PDE3B: variants seen among roughly 807,000 people sequenced by gnomAD.
The protein encoded by PDE3B is phosphodiesterase 3B, also known as cGMP-inhibited 3',5'-cyclic phosphodiesterase 3B.
A neutral mutation model predicts 116.8 loss-of-function variants in PDE3B; 66 were observed. The ratio of observed to expected loss-of-function variants is 0.56; its 90% CI spans 0.46 to 0.69. The LOEUF is 0.69. Ranked by LOEUF, PDE3B falls within the 30% of genes least tolerant of loss-of-function variation. The pLI, the probability that PDE3B is intolerant of heterozygous loss-of-function variation, is 0.00. For missense variants in PDE3B, 1,384 were observed against 1,368.1 expected, an observed-to-expected ratio of 1.01 and a Z score of -0.18; for synonymous variants, 595 against 533.6, an observed-to-expected ratio of 1.12 and a Z score of -1.59.
chr11:14,784,416 T>G (rs757349190), intron 2 of PDE3B, among the ~76,000 whole-genome samples: 14 of 152,194 alleles, frequency 9.2e-5, no homozygotes, highest in Non-Finnish European at 1.5e-4. Flanking sequence ...GAGACCTAAC[T>G]AGTAGTAAGG....
rs1486965895 is a variant in PDE3B, at chr11:14,872,028, A to G, written c.*2368A>G. 2.0e-5 allele frequency: 3 copies of G among 152,222 alleles called. No individual in the cohort carries two copies. Among genetic ancestry groups the G allele is most frequent in the Non-Finnish European group, 4.4e-5 (3 of 68,034 alleles). 9.4% of individuals were successfully genotyped at this position (152,222 alleles called of 1,614,324 possible). A position where few individuals can be genotyped will look rare whatever the true frequency, so the allele number is the denominator to read the frequency against. On this transcript the variant is annotated 3_prime_UTR_variant, in exon 16 of 16. Transcript: ENST00000282096. ...CTACTGACACATTTTTCTCCATAAA[A>G]GTACTTTTAAAAATTACTTCATGAT...
chr11:14,675,033 A>G (rs777309360), intron 1 of PDE3B, among the ~76,000 whole-genome samples: 5 of 152,186 alleles, frequency 3.3e-5, no homozygotes, highest in Non-Finnish European at 7.4e-5. Context: ...TAATATTTCT[A>G]TTAAGGCAGT....
intron 1 of PDE3B, among the ~76,000 whole-genome samples, chr11:14,691,096 G>T (rs1418024801): frequency 6.6e-6 from 1 of 152,170 alleles, no homozygotes; most frequent in African/African-American, 2.4e-5. Context: ...CAAGACATAG[G>T]AGTGTTCTAA....
rs782723653 is a variant in PDE3B at position 14,867,472 on chromosome 11, G to A, written c.2887-34G>A. 5 of 1,593,384 alleles carry A rather than the reference G, an allele frequency of 3.1e-6. No individual in the cohort carries two copies. In the East Asian group the frequency reaches 1.1e-4, roughly 36 times the overall value. On this transcript the variant is annotated intron_variant, in intron 14 of 15. Transcript: ENST00000282096. ...AAGCTCAGTGGTGGTTCTTTCACCA[G>A]TTAAAAATGTACTTTTCTTTTTAAA...
Position 14,786,512 on chromosome 11 carries a change from G to C in PDE3B, c.1105G>C (p.Asp369His), listed in dbSNP as rs374607325. 2 of 1,612,232 alleles carry C rather than the reference G, an allele frequency of 1.2e-6. No homozygotes were observed. Among genetic ancestry groups the C allele is most frequent in the Non-Finnish European group, 1.7e-6 (2 of 1,178,632 alleles). ...ARNMVSDLLTDPSLPPQVISS... is the reference protein window; with the variant it reads ...ARNMVSDLLTHPSLPPQVISS... Reference sequence around the variant, plus strand: ...CAATATGGTGTCAGATCTTCTGACTGATCCAAGCCTTCCACCACAAGTCAT... The same window carrying C: ...CAATATGGTGTCAGATCTTCTGACTCATCCAAGCCTTCCACCACAAGTCAT... Residue 369 changes from aspartate (D) to histidine (H), a missense_variant, in exon 3 of 16, where the codon GAT becomes CAT. This residue lies in a region of PDE3B where 956 missense variants were observed against 806.8 expected (regional missense o/e 1.18). Coordinates refer to ENST00000282096, the MANE Select transcript of PDE3B (RefSeq NM_000922.4).
Position 14,644,527 on chromosome 11 carries a change from C to G in PDE3B, c.452C>G (p.Ser151Cys). 11 of 1,607,054 alleles carry G rather than the reference C, an allele frequency of 6.8e-6. No homozygotes were observed. Among genetic ancestry groups the G allele is most frequent in the Non-Finnish European group, 9.3e-6 (11 of 1,176,912 alleles). Residue 151 changes from serine to cysteine, a missense_variant, in exon 1 of 16, where the codon TCC (serine) becomes TGC (cysteine). By Grantham distance (112) the Ser-to-Cys change is moderately radical. Around this residue, in one of 2 missense-constraint regions of PDE3B, gnomAD observed 956 missense variants for 806.8 expected, o/e 1.18. Coordinates refer to ENST00000282096, the MANE Select transcript of PDE3B (RefSeq NM_000922.4). Reference sequence around the variant, plus strand: ...CCCGGCCCGGGCCGGAGCTGCGGCTCCTGGTGGCTGCTGGCGCTGCCCGCC... The same window carrying G: ...CCCGGCCCGGGCCGGAGCTGCGGCTGCTGGTGGCTGCTGGCGCTGCCCGCC... The part of the protein sequence containing the change: ...RGPGPGRSCG[S>C]WWLLALPACC...
At chr11:14,741,113 A>C (rs1856758185) in intron 1 of PDE3B, among the ~76,000 whole-genome samples, 1 of 152,084 alleles carries the variant, frequency 6.6e-6, no homozygotes, top group African/African-American at 2.4e-5. Context: ...GATGTGTATT[A>C]GGTCTGCTTG....
intron 1 of PDE3B, among the ~76,000 whole-genome samples, chr11:14,649,994 T>C (rs1408133575): frequency 6.6e-6 from 1 of 152,212 alleles, no homozygotes; most frequent in African/African-American, 2.4e-5. Context: ...TCTGCACTTA[T>C]TTAGGTTGTT....
chr11:14,784,380 A>G (rs1858130122), intron 2 of PDE3B, among the ~76,000 whole-genome samples: 2 of 152,340 alleles, frequency 1.3e-5, no homozygotes, highest in East Asian at 3.9e-4. Flanking sequence ...AAGACAAGAC[A>G]ATTATACTTA....
chr11:14,791,284 C>G (rs992508164), intron 4 of PDE3B, among the ~76,000 whole-genome samples: 1 of 152,090 alleles, frequency 6.6e-6, no homozygotes, highest in Non-Finnish European at 1.5e-5. Flanking sequence ...GATTTTGAGT[C>G]TTGAGCTTTG....
intron 1 of PDE3B, among the ~76,000 whole-genome samples, chr11:14,758,493 G>A (rs544659927): frequency 6.7e-6 from 1 of 148,488 alleles, no homozygotes; most frequent in African/African-American, 2.5e-5. Flanking sequence ...GCAGTGGTTT[G>A]TAGTTCTTCT....
chr11:14,739,657 G>A (rs561964286), intron 1 of PDE3B, among the ~76,000 whole-genome samples: 2 of 152,336 alleles, frequency 1.3e-5, no homozygotes, highest in African/African-American at 2.4e-5. Context: ...GGAGTGCTGA[G>A]AGAGGGCATC....
chr11:14,682,855 C>T (rs1854753030), intron 1 of PDE3B, among the ~76,000 whole-genome samples: 2 of 150,896 alleles, frequency 1.3e-5, no homozygotes, highest in Non-Finnish European at 1.5e-5. Flanking sequence ...GAAGTTTTCC[C>T]TCCTCTATTT....
intron 1 of PDE3B, among the ~76,000 whole-genome samples, chr11:14,657,378 A>G (rs1853743654): frequency 6.6e-6 from 1 of 152,200 alleles, no homozygotes; most frequent in African/African-American, 2.4e-5. Context: ...AGTCAGTATT[A>G]GTCACTTTAC....
Position 14,869,524 on chromosome 11 carries a change from A to G in PDE3B, c.3203A>G (p.Asn1068Ser). 1 of 1,613,878 alleles carries G rather than the reference A, an allele frequency of 6.2e-7. No homozygotes were observed. Among genetic ancestry groups the G allele is most frequent in the Non-Finnish European group, 8.5e-7 (1 of 1,179,958 alleles). Reference protein sequence around the residue: ...FCQLMHHLTENHKIWKEIVEE... With the variant: ...FCQLMHHLTESHKIWKEIVEE... Reference sequence around the variant, plus strand: ...CAGCTAATGCACCACCTCACTGAAAACCACAAGATATGGAAGGAAATCGTA... The same window carrying G: ...CAGCTAATGCACCACCTCACTGAAAGCCACAAGATATGGAAGGAAATCGTA... The change falls in exon 16 of 16, where the codon AAC becomes AGC. Residue 1068 changes from asparagine to serine, a missense_variant. Asn to Ser is a conservative substitution (Grantham distance 46). Coordinates refer to ENST00000282096, the MANE Select transcript of PDE3B (RefSeq NM_000922.4).
At chr11:14,857,512 C>T (rs1053517472) in intron 12 of PDE3B, among the ~76,000 whole-genome samples, 1 of 152,156 alleles carries the variant, frequency 6.6e-6, no homozygotes, top group Non-Finnish European at 1.5e-5. Flanking sequence ...TCCACTTACT[C>T]TTCATATAGG....
intron 1 of PDE3B, among the ~76,000 whole-genome samples, chr11:14,676,882 AT>A (rs1389414868): frequency 2.6e-5 from 4 of 151,924 alleles, no homozygotes; most frequent in Admixed American, 2.0e-4. Flanking sequence ...TGCTTTTTTT[AT>A]ACCTTAAGAA....
chr11:14,668,359 A>G (rs192105657), intron 1 of PDE3B, among the ~76,000 whole-genome samples: 1 of 152,248 alleles, frequency 6.6e-6, no homozygotes, highest in South Asian at 2.1e-4. Flanking sequence ...CTCACTTTTG[A>G]GTAATTTACT....
chr11:14,819,159 A>G lies in PDE3B; in HGVS notation c.1757A>G (p.Tyr586Cys), dbSNP rs1859433853. Residue 586 changes from tyrosine (Y) to cysteine (C), a missense_variant, in exon 7 of 16, where the codon TAT becomes TGT. Around this residue, in one of 2 missense-constraint regions of PDE3B, gnomAD observed 956 missense variants for 806.8 expected, o/e 1.18. Coordinates refer to ENST00000282096, the MANE Select transcript of PDE3B (RefSeq NM_000922.4). The stretch of plus-strand genomic sequence containing the variant: ...AGCTGTGGACATCAAATGCTGAAAT[A>G]TGTTTCAACATCTGAATCAGATGGT... ...CNSCGHQMLK[Y>C]VSTSESDGTD... 1 of 1,596,900 alleles carries G rather than the reference A, an allele frequency of 6.3e-7. No homozygotes were observed. The highest frequency in any genetic ancestry group is 1.3e-5 in the African/African-American group (1 of 74,670).
Sources: gnomAD v4.1 joint callset for allele counts (sites outside exome capture counted in the v4.1 genomes callset) on GRCh38, gnomAD v4.1.1 for gene constraint, gnomAD v4.1.1 regional missense constraint, MANE v1.5 for transcripts, NCBI Gene and HGNC (gene_info 2026-07-23, HGNC 2026-07-21) for gene names.